Variants in MYO7B observed in about 807,000 individuals in gnomAD.
MYO7B encodes the protein unconventional myosin-VIIb.
A neutral mutation model predicts 259.7 loss-of-function variants in MYO7B; 212 were observed. That is an observed-to-expected ratio of 0.82 (90% CI 0.73 to 0.91). MYO7B has a LOEUF of 0.91. MYO7B is among the 40% of genes least tolerant of loss of function. The pLI, the probability that MYO7B is intolerant of heterozygous loss-of-function variation, is 0.00. For synonymous variants in MYO7B, 1,197 were observed against 1,166.4 expected (o/e 1.03, Z -0.54); for missense variants, 2,732 against 2,813.5 (o/e 0.97, Z 0.66).
chr2:127,609,367 G>A lies in MYO7B; in HGVS notation c.2815-139G>A. 1 of 754,696 alleles carries A rather than the reference G, an allele frequency of 1.3e-6. No individual in the cohort carries two copies. Among genetic ancestry groups the A allele is most frequent in the East Asian group, 2.7e-5 (1 of 37,098 alleles). The allele number at this position is 754,696 out of a possible 1,614,324, so 46.7% of individuals were successfully genotyped here. A position where few individuals can be genotyped will look rare whatever the true frequency, so the allele number is the denominator to read the frequency against. On this transcript the variant is annotated intron_variant, in intron 22 of 47. Transcript: ENST00000409816. The surrounding 1 kb of genome is among the most constrained non-coding windows in gnomAD (Gnocchi z 6.9). ...AGCCCACCTGAGCCCACTGAATGTG[G>A]GGATGGGTGGTCTCCAGCACCTGAG... is the stretch of plus-strand genomic sequence containing the variant.
chr2:127,571,442 G>GTTTTTTTTTTGTTTTTTTTT lies in MYO7B; in HGVS notation c.592+1542_592+1543insGTTTTTTTTTTTTTTTTTTT, dbSNP rs1553448471. Among the ~76,000 whole-genome samples, 382 of 41,780 alleles carry GTTTTTTTTTTGTTTTTTTTT rather than the reference G, an allele frequency of 9.1e-3. 30 individuals carry two copies. Among genetic ancestry groups the GTTTTTTTTTTGTTTTTTTTT allele is most frequent in the African/African-American group, 0.02 (250 of 12,208 alleles). 27.4% of individuals were successfully genotyped at this position (41,780 alleles called of 152,430 possible). A position where few individuals can be genotyped will look rare whatever the true frequency, so the allele number is the denominator to read the frequency against. On this transcript the variant is annotated intron_variant, in intron 6 of 47. Coordinates refer to ENST00000409816, the MANE Select transcript of MYO7B (RefSeq NM_001393586.1). ...AATTGGTCTATTTCCTTACCAGTGA[G>GTTTTTTTTTTGTTTTTTTTT]TTTTTTTTTTTTTTTTTGCTTGTTT...
intron 6 of MYO7B, among the ~76,000 whole-genome samples, chr2:127,572,005 C>G (rs1467954486): frequency 6.6e-6 from 1 of 152,094 alleles, no homozygotes; most frequent in Non-Finnish European, 1.5e-5. Context: ...CAGAGATTTT[C>G]TCCTATGTTT....
chr2:127,600,911 T>C (rs1679944301), intron 19 of MYO7B, among the ~76,000 whole-genome samples: 1 of 152,246 alleles, frequency 6.6e-6, no homozygotes, highest in South Asian at 2.1e-4. Flanking sequence ...GATTAGATTA[T>C]TAATTCAAGG....
In MYO7B at chr2:127,546,466, T is replaced by C. The variant is rs1693231540; in HGVS notation, c.-24+10635T>C. On this transcript the variant is annotated intron_variant, in intron 1 of 47. Transcript: ENST00000409816. This position sits in a 1 kb window ranked among gnomAD's most constrained non-coding sequence, Gnocchi z 4.2. ...ATATTCTTACCCACTCTACCCATAC[T>C]CCAGTTCAGTGGCACCACAGAAATG... 6.6e-6 allele frequency among the ~76,000 whole-genome samples: 1 copy of C among 152,112 alleles called. No individual in the cohort carries two copies. Among genetic ancestry groups the C allele is most frequent in the Admixed American group, 6.5e-5 (1 of 15,280 alleles).
intron 18 of MYO7B, among the ~76,000 whole-genome samples, chr2:127,594,029 G>A (rs1410195365): frequency 6.6e-6 from 1 of 152,082 alleles, no homozygotes; most frequent in Non-Finnish European, 1.5e-5. Flanking sequence ...TGCCATGCAG[G>A]CTTCCCTACA....
chr2:127,581,877 A>C lies in MYO7B; in HGVS notation c.1081-14A>C, dbSNP rs1480809935. ...GCTCCACAGGTGCGACGCAGCCCCC[A>C]CCTGCCTCCCCAGGTGCAGCACCAG... On this transcript the variant is annotated splice_polypyrimidine_tract_variant and intron_variant, in intron 10 of 47. Coordinates refer to ENST00000409816, the MANE Select transcript of MYO7B (RefSeq NM_001393586.1). The C allele has an allele frequency of 6.2e-6, 10 of 1,613,242 alleles. No individual in the cohort carries two copies. The highest frequency in any genetic ancestry group is 5.0e-5 in the Admixed American group (3 of 60,012).
At chr2:127,632,910 C>T (rs776713026) in intron 39 of MYO7B, among the ~76,000 whole-genome samples, 7 of 152,166 alleles carry the variant, frequency 4.6e-5, no homozygotes, top group Non-Finnish European at 1.0e-4. Context: ...GAGAGGTGGG[C>T]GCCCCATAGA....
intron 3 of MYO7B, among the ~76,000 whole-genome samples, chr2:127,564,550 G>A (rs1258127874): frequency 1.3e-5 from 2 of 152,236 alleles, no homozygotes; most frequent in African/African-American, 4.8e-5. Context: ...GGAAAGGTGG[G>A]TGAGGAAGGT....
intron 47 of MYO7B, 55 bp from the exon 48 acceptor site, chr2:127,637,261 G>A (rs1380567354): frequency 7.4e-7 from 1 of 1,359,760 alleles, no homozygotes. Flanking sequence ...CTGAGTCCAG[G>A]ACCCCCACCT....
chr2:127,629,846 G>T lies in MYO7B; in HGVS notation c.4806+20G>T, dbSNP rs769340363. On this transcript the variant is annotated intron_variant, in intron 35 of 47. Coordinates refer to ENST00000409816, the MANE Select transcript of MYO7B (RefSeq NM_001393586.1). ...CTGCTGGTAACTGGCACGCTCCCCTGTCCTCAGCCTGGGTACCCGAGGTCA... is the reference window on the plus strand; with the variant it reads ...CTGCTGGTAACTGGCACGCTCCCCTTTCCTCAGCCTGGGTACCCGAGGTCA... 6.5e-7 allele frequency: 1 copy of T among 1,533,840 alleles called. No individual in the cohort carries two copies. The highest frequency in any genetic ancestry group is 1.3e-5 in the South Asian group (1 of 79,032).
chr2:127,552,921 T>C (rs939961975), intron 1 of MYO7B, among the ~76,000 whole-genome samples: 1 of 152,242 alleles, frequency 6.6e-6, no homozygotes, highest in African/African-American at 2.4e-5. Context: ...GGAGGGATTT[T>C]GGAGCTGGGG....
chr2:127,593,504 T>C (rs765892917), intron 17 of MYO7B, 42 bp from the exon 18 acceptor site: 1 of 1,589,182 alleles, frequency 6.3e-7, no homozygotes. Context: ...CCGAGGGGTC[T>C]CTGCCCCACC....
intron 19 of MYO7B, among the ~76,000 whole-genome samples, chr2:127,599,203 C>T (rs994206632): frequency 4.6e-5 from 7 of 152,178 alleles, no homozygotes; most frequent in African/African-American, 1.7e-4. Context: ...TACGTAGCTC[C>T]ATTTATTTAG....
chr2:127,621,463 G>A (rs1290109557), intron 27 of MYO7B, among the ~76,000 whole-genome samples: 3 of 152,160 alleles, frequency 2.0e-5, no homozygotes, highest in African/African-American at 7.2e-5. Context: ...GTTTCACCAT[G>A]TTGGCCAGGC....
chr2:127,590,087 C>T lies in MYO7B; in HGVS notation c.1855-5C>T. 1 of 1,570,302 alleles carries T rather than the reference C, an allele frequency of 6.4e-7. No homozygotes were observed. The highest frequency in any genetic ancestry group is 8.6e-7 in the Non-Finnish European group (1 of 1,158,080). On this transcript the variant is annotated splice_region_variant and splice_polypyrimidine_tract_variant and intron_variant, in intron 15 of 47. Transcript: ENST00000409816. The surrounding 1 kb of genome is among the most constrained non-coding windows in gnomAD (Gnocchi z 4.6). Reference sequence around the variant, plus strand: ...CCCACTTGTGCTCTGTGCTTCCATTCACAGTCTGCAGACTCAAATAAACGG... The same window carrying T: ...CCCACTTGTGCTCTGTGCTTCCATTTACAGTCTGCAGACTCAAATAAACGG...
chr2:127,565,720 C>T (rs1678307201), intron 4 of MYO7B, among the ~76,000 whole-genome samples: 2 of 152,240 alleles, frequency 1.3e-5, no homozygotes. Context: ...AGACAGAAAG[C>T]CCCTGGCCTC....
At chr2:127,620,204 G>C in intron 26 of MYO7B, 136 bp from the exon 27 acceptor site, 1 of 1,026,670 alleles carries the variant, frequency 9.7e-7, no homozygotes, top group South Asian at 1.8e-5. Context: ...AGGAGGCTGG[G>C]CAGGGCCCCG....
intron 1 of MYO7B, among the ~76,000 whole-genome samples, chr2:127,557,939 G>C (rs1177437851): frequency 6.6e-6 from 1 of 152,182 alleles, no homozygotes; most frequent in Non-Finnish European, 1.5e-5. Flanking sequence ...CTTAGGCAAA[G>C]ATTTCATGAC....
In MYO7B at chr2:127,627,714, G is replaced by C. The variant is rs1423820190; in HGVS notation, c.4460+404G>C. 2 of 460,204 alleles carry C rather than the reference G, an allele frequency of 4.3e-6. No individual in the cohort carries two copies. Among genetic ancestry groups the C allele is most frequent in the Admixed American group, 4.7e-5 (2 of 42,652 alleles). 28.5% of individuals were successfully genotyped at this position (460,204 alleles called of 1,614,324 possible). Reference sequence around the variant, plus strand: ...GTGCCTGGTGTGTCCTGGGGCACAGGGCAGGGCTGGGGGTCCTCTTAGGCT... The same window carrying C: ...GTGCCTGGTGTGTCCTGGGGCACAGCGCAGGGCTGGGGGTCCTCTTAGGCT... On this transcript the variant is annotated intron_variant, in intron 33 of 47. Transcript: ENST00000409816. This position sits in a 1 kb window ranked among gnomAD's most constrained non-coding sequence, Gnocchi z 5.6.
Sources: allele counts gnomAD v4.1 joint callset (sites outside exome capture counted in the v4.1 genomes callset), GRCh38; gene constraint gnomAD v4.1.1; non-coding constraint Gnocchi (gnomAD v3.1); transcripts MANE v1.5; gene names NCBI Gene and HGNC (gene_info 2026-07-23, HGNC 2026-07-21).